Variants in HELLS observed in about 807,000 individuals in gnomAD.
HELLS encodes the protein lymphoid-specific helicase.
A neutral mutation model predicts 120.0 loss-of-function variants in HELLS; 32 were observed. That is an observed-to-expected ratio of 0.27 (90% confidence interval 0.20 to 0.36). The LOEUF is 0.36. HELLS is among the 10% of genes least tolerant of loss of function. HELLS has a pLI of 1.00. For missense variants in HELLS, 650 were observed against 993.4 expected (o/e 0.65, Z 4.65); for synonymous variants, 341 against 323.4 (o/e 1.05, Z -0.58).
At chr10:94,612,930 G>A (rs1846208797) in exon 10 of HELLS, 1 of 152,098 alleles carries the variant, frequency 6.6e-6, no homozygotes, top group African/African-American at 2.4e-5. Flanking sequence ...AAAAAATAAA[G>A]GTGTACAGGG....
At chr10:94,598,151 A>G (rs775710389) in intron 21 of HELLS, among the ~76,000 whole-genome samples, 7 of 152,152 alleles carry the variant, frequency 4.6e-5, no homozygotes, top group Non-Finnish European at 8.8e-5. Flanking sequence ...CGTCTAGGCT[A>G]TTGATTATTT....
At chr10:94,587,456 C>T (rs1454936560) in intron 12 of HELLS, among the ~76,000 whole-genome samples, 1 of 152,050 alleles carries the variant, frequency 6.6e-6, no homozygotes, top group Non-Finnish European at 1.5e-5. Context: ...GAGACAGAGT[C>T]TTGCTCTGTC....
At chr10:94,562,617 TAATC>T in intron 4 of HELLS, 70 bp from the exon 5 acceptor site, 1 of 1,020,082 alleles carries the variant, frequency 9.8e-7, no homozygotes, top group Non-Finnish European at 1.5e-6. Flanking sequence ...TTTCTCAAGT[TAATC>T]AGTGCCTTTT....
chr10:94,554,645 T>G (rs917569861), intron 3 of HELLS, among the ~76,000 whole-genome samples: 12 of 115,578 alleles, frequency 1.0e-4, no homozygotes, highest in East Asian at 9.1e-4. Flanking sequence ...AGTAATAGTG[T>G]TTTTTTTTTT....
intron 19 of HELLS, among the ~76,000 whole-genome samples, chr10:94,595,458 T>G (rs966097731): frequency 6.6e-6 from 1 of 152,230 alleles, no homozygotes; most frequent in Non-Finnish European, 1.5e-5. Context: ...GCAAGTTCCA[T>G]GTATTAAAAT....
chr10:94,580,882 G>T (rs1844835376), intron 10 of HELLS, among the ~76,000 whole-genome samples: 1 of 152,124 alleles, frequency 6.6e-6, no homozygotes, highest in African/African-American at 2.4e-5. Flanking sequence ...AAGTGAGTGG[G>T]TGACTTTCTG....
At chr10:94,590,251 C>G (rs80035517) in intron 13 of HELLS, among the ~76,000 whole-genome samples, 162 bp from the exon 14 acceptor site, 1 of 152,302 alleles carries the variant, frequency 6.6e-6, no homozygotes, top group Non-Finnish European at 1.5e-5. Context: ...CTCTTACTTT[C>G]AGATATTGTT....
intron 10 of HELLS, among the ~76,000 whole-genome samples, chr10:94,578,041 G>A (rs1844600816): frequency 1.4e-5 from 2 of 144,442 alleles, no homozygotes; most frequent in Non-Finnish European, 3.0e-5. Flanking sequence ...CCGCAGTCCG[G>A]CCTGGGCCGA....
At chr10:94,571,156 A>G (rs1340021053) in intron 6 of HELLS, 2 of 341,218 alleles carry the variant, frequency 5.9e-6, no homozygotes, top group Non-Finnish European at 5.3e-6. Context: ...AAATCACTGT[A>G]TTTGATGAAA....
chr10:94,568,351 C>T lies in HELLS; in HGVS notation c.436-3037C>T, dbSNP rs1208121154. On this transcript the variant is annotated intron_variant, in intron 6 of 21. Coordinates refer to ENST00000348459, the MANE Select transcript of HELLS (RefSeq NM_018063.5). ...AAGCAAACAATTTATCTTTTCCTCT[C>T]TTCCGAATCTTGCTCTTTTGTTTTC... 2.6e-5 allele frequency among the ~76,000 whole-genome samples: 4 copies of T among 152,196 alleles called. No homozygotes were observed. In the East Asian group the frequency reaches 7.7e-4, roughly 29 times the overall value.
chr10:94,606,283 A>AT (rs1457832599), downstream of HELLS, among the ~76,000 whole-genome samples: 1 of 151,170 alleles, frequency 6.6e-6, no homozygotes, highest in African/African-American at 2.4e-5. Context: ...ATTCATGGGG[A>AT]TTTTTTAGAA....
chr10:94,549,741 G>C (rs1388775047), intron 2 of HELLS, among the ~76,000 whole-genome samples: 1 of 152,082 alleles, frequency 6.6e-6, no homozygotes, highest in Non-Finnish European at 1.5e-5. Context: ...TTAATAGATG[G>C]AGTTGCAATT....
chr10:94,605,076 C>G (rs1308979738), downstream of HELLS, among the ~76,000 whole-genome samples: 5 of 117,436 alleles, frequency 4.3e-5, 2 homozygotes, highest in Non-Finnish European at 9.1e-5. Flanking sequence ...TGTGTCTCCC[C>G]CCCCCCCCCT....
intron 6 of HELLS, among the ~76,000 whole-genome samples, chr10:94,568,662 G>A (rs567945391): frequency 1.2e-4 from 19 of 152,156 alleles, no homozygotes; most frequent in African/African-American, 4.6e-4. Context: ...GGTTTCACAA[G>A]GAATTGCATT....
chr10:94,595,078 A>G (rs1845675742), intron 19 of HELLS, among the ~76,000 whole-genome samples: 1 of 152,024 alleles, frequency 6.6e-6, no homozygotes, highest in African/African-American at 2.4e-5. Context: ...CAATACAAAA[A>G]TTAGCTGGGC....
chr10:94,609,375 C>T (rs1426957159), intron 9 of HELLS, among the ~76,000 whole-genome samples: 1 of 152,130 alleles, frequency 6.6e-6, no homozygotes, highest in Non-Finnish European at 1.5e-5. Flanking sequence ...TCTCTTTGCC[C>T]TTTTAGTTAA....
chr10:94,605,078 C>CG (rs373601713), downstream of HELLS, among the ~76,000 whole-genome samples: 3 of 127,584 alleles, frequency 2.4e-5, no homozygotes, highest in South Asian at 3.1e-4. Context: ...TGTCTCCCCC[C>CG]CCCCCCCTTT....
At chr10:94,563,968 A>C (rs1843673882) in intron 6 of HELLS, among the ~76,000 whole-genome samples, 1 of 151,486 alleles carries the variant, frequency 6.6e-6, no homozygotes, top group Non-Finnish European at 1.5e-5. Flanking sequence ...GTGCCACCAC[A>C]CCCGGCTAAT....
intron 7 of HELLS, among the ~76,000 whole-genome samples, chr10:94,572,074 A>G (rs1380502917): frequency 6.6e-6 from 1 of 152,178 alleles, no homozygotes; most frequent in African/African-American, 2.4e-5. Context: ...TGGTCATATA[A>G]TTTTGTCCAA....
Sources: allele counts gnomAD v4.1 joint callset (sites outside exome capture counted in the v4.1 genomes callset), GRCh38; gene constraint gnomAD v4.1.1; transcripts MANE v1.5; gene names NCBI Gene and HGNC (gene_info 2026-07-23, HGNC 2026-07-21).